GCNT1: variants seen among roughly 807,000 people sequenced by gnomAD.
The protein encoded by GCNT1 is beta-1,3-galactosyl-O-glycosyl-glycoprotein beta-1,6-N-acetylglucosaminyltransferase.
A neutral mutation model predicts 26.2 loss-of-function variants in GCNT1; 16 were observed. The observed-to-expected ratio is 0.61, with a 90% CI of 0.41 to 0.93. The LOEUF is 0.93. GCNT1 is among the 40% of genes least tolerant of loss of function. The pLI is 0.00. For missense variants in GCNT1, 477 were observed against 526.7 expected (o/e 0.91, Z 0.92); for synonymous variants, 183 against 190.8 (o/e 0.96, Z 0.34).
chr9:76,480,208 G>T (rs924010646), intron 2 of GCNT1, among the ~76,000 whole-genome samples: 1 of 152,028 alleles, frequency 6.6e-6, no homozygotes, highest in Non-Finnish European at 1.5e-5. Context: ...TGTTCCATTG[G>T]TCTATATCTC....
At chr9:76,394,630 A>C in the GCNT1 span, 1 of 154,768 alleles carries the variant, frequency 6.5e-6, no homozygotes, top group Non-Finnish European at 1.4e-5. Flanking sequence ...CCAGGCGCCT[A>C]ATGTCTGGAT....
chr9:76,467,904 T>G (rs984954305), intron 2 of GCNT1, among the ~76,000 whole-genome samples: 4 of 128,862 alleles, frequency 3.1e-5, no homozygotes, highest in East Asian at 2.1e-4. Flanking sequence ...AGTGTTTTTT[T>G]TTTTTTTTTT....
chr9:76,481,747 C>G (rs1375318137), intron 2 of GCNT1, among the ~76,000 whole-genome samples: 1 of 152,128 alleles, frequency 6.6e-6, no homozygotes, highest in Non-Finnish European at 1.5e-5. Context: ...AGTTAACAAG[C>G]CTGTTAACAA....
At chr9:76,479,376 A>C (rs1427375226) in intron 2 of GCNT1, among the ~76,000 whole-genome samples, 2 of 152,224 alleles carry the variant, frequency 1.3e-5, no homozygotes, top group Non-Finnish European at 2.9e-5. Flanking sequence ...GTATATACCC[A>C]GTAATGGGAT....
At chr9:76,495,941 A>C (rs1824896246) in intron 2 of GCNT1, among the ~76,000 whole-genome samples, 1 of 152,142 alleles carries the variant, frequency 6.6e-6, no homozygotes, top group Non-Finnish European at 1.5e-5. Flanking sequence ...CCTCTCCCTG[A>C]ACAGTCTGTT....
intron 1 of GCNT1, among the ~76,000 whole-genome samples, chr9:76,423,841 T>A (rs556200396): frequency 7.5e-4 from 114 of 152,346 alleles, no homozygotes; most frequent in African/African-American, 2.5e-3. Flanking sequence ...ATTGAGATAG[T>A]ATCCTTTTTG....
chr9:76,468,804 T>C (rs999429608), intron 2 of GCNT1, among the ~76,000 whole-genome samples: 1 of 152,228 alleles, frequency 6.6e-6, no homozygotes. Flanking sequence ...TGAATTACTT[T>C]TCAAAAGAAA....
chr9:76,501,875 T>G (rs1218620383), intron 3 of GCNT1: 2 of 152,238 alleles, frequency 1.3e-5, no homozygotes, highest in African/African-American at 4.8e-5. Flanking sequence ...TATAGACTGT[T>G]CAATCATTAT....
rs1825234901 is a variant in GCNT1 at position 76,506,208 on chromosome 9, ATTAT to A, written c.*2542_*2545del. ...AAATTATTTAAATTACTTTATAGTA[ATTAT>A]TAAACACTAATTTTTGTACTGTCAT... On this transcript the variant is annotated 3_prime_UTR_variant, in exon 4 of 4. Coordinates refer to ENST00000376730, the MANE Select transcript of GCNT1 (RefSeq NM_001490.5). The A allele has an allele frequency of 6.0e-6, 1 of 167,108 alleles. No individual in the cohort carries two copies. The highest frequency in any genetic ancestry group is 2.1e-4 in the South Asian group (1 of 4,832). The allele number at this position is 167,108 out of a possible 1,614,324, so 10.4% of individuals were successfully genotyped here.
chr9:76,475,197 A>G (rs1394219675), intron 2 of GCNT1, among the ~76,000 whole-genome samples: 7 of 152,246 alleles, frequency 4.6e-5, no homozygotes, highest in African/African-American at 1.2e-4. Context: ...TTCAAATTCA[A>G]TAACTGTACC....
At position 76,507,177 on chromosome 9, in the gene GCNT1, A is replaced by T. The variant is rs1825260576; in HGVS notation, c.*3509A>T. The T allele has an allele frequency of 6.0e-6, 1 of 167,032 alleles. No homozygotes were observed. The highest frequency in any genetic ancestry group is 1.5e-5 in the Non-Finnish European group (1 of 68,106). The allele number at this position is 167,032 out of a possible 1,614,324, so 10.3% of individuals were successfully genotyped here. ...TGTGAAAGTGAAAAACAATGATTGT[A>T]TGGGTACTCAAAGTATAATTTCTAC... On this transcript the variant is annotated 3_prime_UTR_variant, in exon 4 of 4. Transcript: ENST00000376730.
chr9:76,467,970 A>G (rs936631792), intron 2 of GCNT1, among the ~76,000 whole-genome samples: 1 of 134,260 alleles, frequency 7.4e-6, no homozygotes, highest in Admixed American at 8.5e-5. Context: ...ACAGTGGCAC[A>G]ATCTCAGGTC....
the GCNT1 span, chr9:76,394,008 C>T: frequency 7.3e-7 from 1 of 1,370,886 alleles, no homozygotes; most frequent in Non-Finnish European, 9.9e-7. Context: ...GGCCCCACGC[C>T]CCGGTCCCAA....
rs1825185118 is a variant in GCNT1 at position 76,504,590 on chromosome 9, G to A, written c.*922G>A. The stretch of plus-strand genomic sequence containing the variant: ...TGATACAGGTTTGAGGGGCTGGGGA[G>A]TGGGAGGGGGGAGAAAAGGAATGTA... On this transcript the variant is annotated 3_prime_UTR_variant, in exon 4 of 4. Coordinates refer to ENST00000376730, the MANE Select transcript of GCNT1 (RefSeq NM_001490.5). 1.2e-5 allele frequency: 5 copies of A among 409,064 alleles called. No homozygotes were observed. The highest frequency in any genetic ancestry group is 2.1e-5 in the African/African-American group (1 of 48,494). The allele number at this position is 409,064 out of a possible 1,614,324, so 25.3% of individuals were successfully genotyped here. A position where few individuals can be genotyped will look rare whatever the true frequency, so the allele number is the denominator to read the frequency against.
At chr9:76,493,688 A>G (rs1824815504) in intron 2 of GCNT1, among the ~76,000 whole-genome samples, 1 of 152,132 alleles carries the variant, frequency 6.6e-6, no homozygotes, top group Admixed American at 6.5e-5. Context: ...AAGGAGAGCT[A>G]TAGGGAGGCT....
chr9:76,439,223 C>CTTTTTTTTTTTTTT (rs71499153), upstream of GCNT1, among the ~76,000 whole-genome samples: 8 of 120,126 alleles, frequency 6.7e-5, no homozygotes, highest in Non-Finnish European at 8.7e-5. Context: ...TTTTCTTTTT[C>CTTTTTTTTTTTTTT]TTTTTTTTTT....
At chr9:76,404,136 T>C in the GCNT1 span, among the ~76,000 whole-genome samples, 22 of 152,212 alleles carry the variant, frequency 1.4e-4, no homozygotes, top group Admixed American at 2.6e-4. Context: ...CATGATACCT[T>C]TGGAATGTGA....
At chr9:76,435,011 C>T (rs1823389058) in intron 1 of GCNT1, among the ~76,000 whole-genome samples, 1 of 152,160 alleles carries the variant, frequency 6.6e-6, no homozygotes, top group Non-Finnish European at 1.5e-5. Context: ...AGATGTTTAT[C>T]AAGACAATAC....
chr9:76,485,938 G>A (rs943495153), intron 2 of GCNT1, among the ~76,000 whole-genome samples: 12 of 152,086 alleles, frequency 7.9e-5, no homozygotes, highest in Non-Finnish European at 1.2e-4. Flanking sequence ...TCGCCATATC[G>A]GCCAGGCTGG....
Sources: allele counts gnomAD v4.1 joint callset (sites outside exome capture counted in the v4.1 genomes callset), GRCh38; gene constraint gnomAD v4.1.1; transcripts MANE v1.5; gene names NCBI Gene and HGNC (gene_info 2026-07-23, HGNC 2026-07-21).